HNRNPU: variants seen among roughly 807,000 people sequenced by gnomAD.
The protein encoded by HNRNPU is heterogeneous nuclear ribonucleoprotein U.
HNRNPU carries 5 observed loss-of-function variants against 94.7 expected under a neutral mutation model. The ratio of observed to expected loss-of-function variants is 0.05; its 90% CI spans 0.03 to 0.11. The LOEUF (loss-of-function observed/expected upper bound fraction) is 0.11, where lower values mean the gene tolerates loss of function less well. Ranked by LOEUF, HNRNPU falls within the 10% of genes least tolerant of loss-of-function variation. The pLI, the probability that HNRNPU is intolerant of heterozygous loss-of-function variation, is 1.00. For synonymous variants in HNRNPU, 434 were observed against 381.6 expected, an observed-to-expected ratio of 1.14 and a Z score of -1.60; for missense variants, 710 against 1,049.2, an observed-to-expected ratio of 0.68 and a Z score of 4.47.
At chr1:244,855,385 C>T in intron 12 of HNRNPU, 39 bp downstream of exon 12, 6 of 1,585,826 alleles carry the variant, frequency 3.8e-6, no homozygotes, top group East Asian at 4.5e-5. Flanking sequence ...GACTAAGCTA[C>T]AGTTATCAAT....
chr1:244,858,647 G>A, intron 6 of HNRNPU, 82 bp downstream of exon 6: 1 of 743,078 alleles, frequency 1.3e-6, no homozygotes, highest in South Asian at 1.6e-5. Context: ...ATTGAAAACT[G>A]ACCTCAGTAA....
chr1:244,863,701 C>A lies in HNRNPU; in HGVS notation c.607G>T (p.Ala203Ser). ...CCCGCCTGCTGCTGGCCCTGCCTCG[C>A]CCCGGGCGGCGCCACCGTCACCGCG... ...LFAVTVAPPG[A>S]RQGQQQAGGK... The change falls in exon 1 of 14, where the codon GCG (alanine) becomes TCG (serine). Residue 203 changes from alanine to serine, a missense_variant. Physicochemically the swap from Ala to Ser is moderately conservative, Grantham distance 99. Around this residue, in one of 8 missense-constraint regions of HNRNPU, gnomAD observed 292 missense variants for 293.4 expected, o/e 1.00. Coordinates refer to ENST00000640218, the MANE Select transcript of HNRNPU (RefSeq NM_031844.3). The A allele has an allele frequency of 6.4e-7, 1 of 1,564,968 alleles. No individual in the cohort carries two copies. Among genetic ancestry groups the A allele is most frequent in the Non-Finnish European group, 8.6e-7 (1 of 1,163,604 alleles).
At position 244,863,418 on chromosome 1, in the gene HNRNPU, A is replaced by G. The variant is rs546349031; in HGVS notation, c.691+199T>C. 0.032 allele frequency among the ~76,000 whole-genome samples: 4,516 copies of G among 141,432 alleles called. 192 individuals are homozygous for G. The highest frequency in any genetic ancestry group is 0.1 in the African/African-American group (3,636 of 36,278). 92.8% of individuals were successfully genotyped at this position (141,432 alleles called of 152,430 possible). ...CCGACACACACACACACACACACAC[A>G]CACGCGCGCGCGCACACACACGCCC... On this transcript the variant is annotated intron_variant, in intron 1 of 13. Transcript: ENST00000640218.
chr1:244,854,556 CTG>C, intron 13 of HNRNPU, 53 bp from the exon 14 acceptor site: 1 of 1,165,838 alleles, frequency 8.6e-7, no homozygotes, highest in Non-Finnish European at 1.3e-6. Flanking sequence ...GCCACTCAAA[CTG>C]TTTTTAGGAA....
At chr1:244,859,130 A>C (rs968791506) in intron 5 of HNRNPU, 145 bp downstream of exon 5, 1 of 588,860 alleles carries the variant, frequency 1.7e-6, no homozygotes. Flanking sequence ...GCCTGTGCCT[A>C]CTATGTGCTA....
At chr1:244,856,336 T>A in intron 10 of HNRNPU, 121 bp downstream of exon 10, 2 of 1,226,240 alleles carry the variant, frequency 1.6e-6, no homozygotes, top group Non-Finnish European at 2.3e-6. Flanking sequence ...CTGGAAAAAA[T>A]GTTAACTTTC....
At chr1:244,855,188 C>A (rs1198917946) in intron 12 of HNRNPU, 144 bp from the exon 13 acceptor site, 3 of 737,380 alleles carry the variant, frequency 4.1e-6, no homozygotes, top group East Asian at 2.6e-5. Context: ...ATACCCTCTG[C>A]TGGTTTCTTA....
chr1:244,854,188 C>T lies in HNRNPU; in HGVS notation c.*262G>A. The stretch of plus-strand genomic sequence containing the variant: ...AAAAAAAAAAAAAAGTCACATTTTA[C>T]AGATAAAATGTAGAACCCTGAAATA... On this transcript the variant is annotated 3_prime_UTR_variant, in exon 14 of 14. Transcript: ENST00000640218. 3.2e-6 allele frequency: 1 copy of T among 313,292 alleles called. No homozygotes were observed. The highest frequency in any genetic ancestry group is 5.8e-6 in the Non-Finnish European group (1 of 171,404). The allele number at this position is 313,292 out of a possible 1,614,324, so 19.4% of individuals were successfully genotyped here.
At chr1:244,859,658 A>C (rs946326615) in intron 4 of HNRNPU, 3 of 226,060 alleles carry the variant, frequency 1.3e-5, no homozygotes, top group Non-Finnish European at 2.6e-5. Context: ...GGATACAATT[A>C]ATGTTTTTCT....
At chr1:244,862,898 C>A (rs1308696164) in intron 1 of HNRNPU, 168 bp from the exon 2 acceptor site, 3 of 646,830 alleles carry the variant, frequency 4.6e-6, no homozygotes, top group African/African-American at 1.8e-5. Flanking sequence ...TCGATTGGCG[C>A]TAGTGACGCA....
In HNRNPU at chr1:244,858,225, T is replaced by C; in HGVS notation, c.1280A>G (p.Asp427Gly). The change falls in exon 7 of 14, where the codon GAT becomes GGT. Residue 427 changes from aspartate (D) to glycine (G), a missense_variant. By Grantham distance (94) the Asp-to-Gly change is moderately conservative (BLOSUM62 -1). Coordinates refer to ENST00000640218, the MANE Select transcript of HNRNPU (RefSeq NM_031844.3). ...ACTGATTTTGAAGGCAACGCCAAGA[T>C]CTTGTCCATTCTTAGCATACGAGAG... ...VELSYAKNGQ[D>G]LGVAFKISKE... 1 of 1,614,026 alleles carries C rather than the reference T, an allele frequency of 6.2e-7. No individual in the cohort carries two copies. The highest frequency in any genetic ancestry group is 1.3e-5 in the African/African-American group (1 of 75,060).
Position 244,861,600 on chromosome 1 carries a change from C to T in HNRNPU, c.877+861G>A, listed in dbSNP as rs12134556. 4 of 152,308 alleles carry T rather than the reference C, an allele frequency of 2.6e-5. No individual in the cohort carries two copies. In the East Asian group the frequency reaches 7.7e-4, roughly 29 times the overall value. The allele number at this position is 152,308 out of a possible 1,614,324, so 9.4% of individuals were successfully genotyped here. On this transcript the variant is annotated intron_variant, in intron 3 of 13. Transcript: ENST00000640218. The stretch of plus-strand genomic sequence containing the variant: ...AATTTGTACAAGAAAACATGAGAAG[C>T]TAAGCTCCAATGCCTTCCATCTAAC...
At chr1:244,856,399 G>C in intron 10 of HNRNPU, 58 bp downstream of exon 10, 2 of 1,521,466 alleles carry the variant, frequency 1.3e-6, no homozygotes, top group East Asian at 2.3e-5. Context: ...AGAATATGTA[G>C]GAAAAACATT....
chr1:244,856,695 T>G (rs1259670288), intron 9 of HNRNPU, 33 bp downstream of exon 9: 1 of 1,605,476 alleles, frequency 6.2e-7, no homozygotes, highest in Non-Finnish European at 8.5e-7. Flanking sequence ...AAATTATCAG[T>G]TAATATTTTT....
chr1:244,857,498 C>G (rs1573331095), intron 8 of HNRNPU, 100 bp downstream of exon 8: 1 of 1,231,952 alleles, frequency 8.1e-7, no homozygotes, highest in African/African-American at 1.5e-5. Flanking sequence ...CCATCCACCT[C>G]AGCCTCTCAA....
intron 4 of HNRNPU, 152 bp downstream of exon 4, chr1:244,860,183 C>G: frequency 1.7e-6 from 1 of 595,806 alleles, no homozygotes. Context: ...GCCTCTAGTC[C>G]GAGCTACTTG....
At position 244,864,205 on chromosome 1, in the gene HNRNPU, T is replaced by G. The variant is rs1260819558; in HGVS notation, c.103A>C (p.Met35Leu). ...TCCAGCGCAGCCTGGAGTCGCTCCATGAGCTCGGCCTTGAGACCCTTGTCA... is the reference window on the plus strand; with the variant it reads ...TCCAGCGCAGCCTGGAGTCGCTCCAGGAGCTCGGCCTTGAGACCCTTGTCA... ...LSDKGLKAEL[M>L]ERLQAALDDE... The change falls in exon 1 of 14, where the codon ATG (methionine) becomes CTG (leucine). Residue 35 changes from methionine to leucine, a missense_variant. Physicochemically the swap from Met to Leu is conservative, Grantham distance 15. Around this residue, in one of 8 missense-constraint regions of HNRNPU, gnomAD observed 19 missense variants for 47.7 expected, o/e 0.40. Transcript: ENST00000640218. 4.3e-6 allele frequency: 7 copies of G among 1,611,476 alleles called. No homozygotes were observed. The Admixed American group carries it at 1.2e-4, about 27-fold the overall frequency.
At chr1:244,861,232 TAC>T (rs1445710432) in intron 3 of HNRNPU, 2 of 152,228 alleles carry the variant, frequency 1.3e-5, no homozygotes, top group Admixed American at 1.3e-4. Context: ...AAAATAAATC[TAC>T]AGTTTGGAAT....
chr1:244,863,451 G>A (rs934549773), intron 1 of HNRNPU, among the ~76,000 whole-genome samples, 166 bp downstream of exon 1: 1 of 147,918 alleles, frequency 6.8e-6, no homozygotes, highest in South Asian at 2.2e-4. Context: ...CCCCGAGCCC[G>A]AGGCCTCTCG....
Sources: allele counts gnomAD v4.1 joint callset (sites outside exome capture counted in the v4.1 genomes callset), GRCh38; gene constraint gnomAD v4.1.1; regional missense constraint gnomAD v4.1.1; transcripts MANE v1.5; gene names NCBI Gene and HGNC (gene_info 2026-07-23, HGNC 2026-07-21).